The following PRKG1 variants were observed in gnomAD, a reference collection of about 807,000 sequenced individuals.
PRKG1 encodes cGMP-dependent protein kinase 1.
Under a neutral mutation model 88.1 loss-of-function variants are expected in PRKG1, and 35 were observed. That is an observed-to-expected ratio of 0.40 (90% CI 0.30 to 0.53). The LOEUF is 0.53. PRKG1 is among the 20% of genes least tolerant of loss of function. The pLI, the probability that PRKG1 is intolerant of heterozygous loss-of-function variation, is 0.59. For missense variants in PRKG1, 540 were observed against 839.8 expected (o/e 0.64, Z 4.41); for synonymous variants, 303 against 292.5 (o/e 1.04, Z -0.37).
At chr10:52,036,499 C>T (rs375877017) in intron 5 of PRKG1, among the ~76,000 whole-genome samples, 12 of 151,388 alleles carry the variant, frequency 7.9e-5, no homozygotes, top group African/African-American at 2.2e-4. Flanking sequence ...AAGCATGCTG[C>T]GGGATGGGAT....
At chr10:51,490,032 C>T (rs1299511814) in intron 3 of PRKG1, among the ~76,000 whole-genome samples, 4 of 151,986 alleles carry the variant, frequency 2.6e-5, no homozygotes, top group Non-Finnish European at 5.9e-5. Flanking sequence ...AGTGTTCCTC[C>T]CATACAAGTG....
At chr10:51,399,754 T>G (rs1366191133) in intron 2 of PRKG1, among the ~76,000 whole-genome samples, 1 of 152,166 alleles carries the variant, frequency 6.6e-6, no homozygotes, top group African/African-American at 2.4e-5. Context: ...TGCAGATTTT[T>G]TTTTGATGAT....
At chr10:51,959,364 G>A (rs1285835792) in intron 5 of PRKG1, among the ~76,000 whole-genome samples, 1 of 152,144 alleles carries the variant, frequency 6.6e-6, no homozygotes, top group Non-Finnish European at 1.5e-5. Flanking sequence ...GGATATTACA[G>A]TTTGTGAAAC....
At chr10:51,237,746 A>G (rs1328141873) in intron 2 of PRKG1, among the ~76,000 whole-genome samples, 3 of 152,282 alleles carry the variant, frequency 2.0e-5, no homozygotes, top group Non-Finnish European at 4.4e-5. Flanking sequence ...TGATTATAAA[A>G]CACTTCTGAC....
Position 51,702,623 on chromosome 10 carries a change from A to G in PRKG1, c.593-101962A>G, listed in dbSNP as rs73343332. Among the ~76,000 whole-genome samples, 905 of 152,314 alleles carry G rather than the reference A, an allele frequency of 5.9e-3. 7 individuals are homozygous for G. Among genetic ancestry groups the G allele is most frequent in the African/African-American group, 0.021 (857 of 41,564 alleles). ...TATTAAGACTGATTTCAAACACACA[A>G]GAGCATCTATGGCCAAATGGAAACT... On this transcript the variant is annotated intron_variant, in intron 3 of 17. Transcript: ENST00000373980.
chr10:51,025,243 C>T (rs1206215050), intron 1 of PRKG1, among the ~76,000 whole-genome samples: 1 of 152,190 alleles, frequency 6.6e-6, no homozygotes, highest in African/African-American at 2.4e-5. Flanking sequence ...CCAAACTTCT[C>T]CTCCCCCAGC....
chr10:51,990,321 T>A (rs182989051), intron 5 of PRKG1, among the ~76,000 whole-genome samples: 1 of 152,242 alleles, frequency 6.6e-6, no homozygotes, highest in Admixed American at 6.5e-5. Context: ...CAGGAGGTTT[T>A]GTGGTTTTGT....
chr10:51,938,234 A>AAAG (rs1842835949), intron 5 of PRKG1, among the ~76,000 whole-genome samples: 1 of 152,094 alleles, frequency 6.6e-6, no homozygotes, highest in Non-Finnish European at 1.5e-5. Context: ...AAGTTTTATT[A>AAAG]AAGTATGTTG....
At chr10:51,046,324 A>T (rs936970469) in intron 1 of PRKG1, among the ~76,000 whole-genome samples, 2 of 152,172 alleles carry the variant, frequency 1.3e-5, no homozygotes, top group African/African-American at 4.8e-5. Context: ...CTGAGATCCC[A>T]GTCCTCCTGT....
chr10:51,190,276 C>T (rs918735460), intron 2 of PRKG1, among the ~76,000 whole-genome samples: 19 of 151,856 alleles, frequency 1.3e-4, no homozygotes, highest in African/African-American at 4.6e-4. Flanking sequence ...TACTAAATAC[C>T]TGAAGCTGGC....
chr10:52,277,782 G>T (rs1841908405), intron 12 of PRKG1, among the ~76,000 whole-genome samples: 2 of 152,086 alleles, frequency 1.3e-5, no homozygotes. Flanking sequence ...ATAATATTCT[G>T]CAGACATTTC....
chr10:51,907,359 G>A (rs748428752), intron 4 of PRKG1, 148 bp from the exon 5 acceptor site: 7 of 608,626 alleles, frequency 1.2e-5, no homozygotes, highest in Non-Finnish European at 2.0e-5. Flanking sequence ...TTTTTTTTCA[G>A]GTTGTGTGGC....
intron 4 of PRKG1, among the ~76,000 whole-genome samples, chr10:51,906,931 T>C (rs1287705702): frequency 6.6e-6 from 1 of 152,214 alleles, no homozygotes; most frequent in Non-Finnish European, 1.5e-5. Context: ...GAATTTGGTA[T>C]CTTATTTCTA....
intron 3 of PRKG1, among the ~76,000 whole-genome samples, chr10:51,718,307 C>A (rs752658837): frequency 5.3e-5 from 8 of 152,124 alleles, no homozygotes; most frequent in Non-Finnish European, 8.8e-5. Context: ...ACACCTCATG[C>A]AAAGTCCAGA....
intron 5 of PRKG1, among the ~76,000 whole-genome samples, chr10:52,048,431 A>C (rs1845912239): frequency 6.6e-6 from 1 of 152,184 alleles, no homozygotes; most frequent in Non-Finnish European, 1.5e-5. Flanking sequence ...TGAAATTGCT[A>C]GTTAAAATAT....
intron 5 of PRKG1, among the ~76,000 whole-genome samples, chr10:51,923,870 C>T (rs1275965228): frequency 2.6e-5 from 4 of 151,586 alleles, no homozygotes; most frequent in African/African-American, 9.7e-5. Context: ...ATTTTGTTGC[C>T]CAGGCTAGAG....
chr10:51,554,734 T>G (rs1210825541), intron 3 of PRKG1, among the ~76,000 whole-genome samples: 1 of 151,762 alleles, frequency 6.6e-6, no homozygotes, highest in Admixed American at 6.6e-5. Flanking sequence ...GTGTGCTAGG[T>G]GCCCAGGGCT....
At chr10:52,016,634 A>T (rs75511483) in intron 5 of PRKG1, among the ~76,000 whole-genome samples, 7,448 of 152,278 alleles carry the variant, frequency 0.049, 461 homozygotes, top group African/African-American at 0.14. Context: ...GATTTATGAA[A>T]TGTGGAAATA....
chr10:52,036,416 T>G (rs1278117404), intron 5 of PRKG1, among the ~76,000 whole-genome samples: 1 of 150,170 alleles, frequency 6.7e-6, no homozygotes, highest in African/African-American at 2.5e-5. Flanking sequence ...AATGGGGGAA[T>G]TGTAAGGAGA....
Sources: allele counts gnomAD v4.1 joint callset (sites outside exome capture counted in the v4.1 genomes callset), GRCh38; gene constraint gnomAD v4.1.1; transcripts MANE v1.5; gene names NCBI Gene and HGNC (gene_info 2026-07-23, HGNC 2026-07-21).